Variants in AOAH observed in about 807,000 individuals in gnomAD.
AOAH encodes acyloxyacyl hydrolase (neutrophil).
In AOAH, 64 loss-of-function variants were observed where a neutral mutation model predicts 92.2. The observed-to-expected ratio is 0.69, with a 90% confidence interval of 0.57 to 0.86. AOAH has a LOEUF of 0.86. Among genes scored for constraint, AOAH ranks in the 40% least tolerant of loss-of-function variants. The pLI is 0.00. For synonymous variants in AOAH, 263 were observed against 254.5 expected, an observed-to-expected ratio of 1.03 and a Z score of -0.32; for missense variants, 656 against 694.6, an observed-to-expected ratio of 0.94 and a Z score of 0.62.
chr7:36,662,595 G>A (rs115470677), intron 3 of AOAH, among the ~76,000 whole-genome samples: 2 of 152,264 alleles, frequency 1.3e-5, no homozygotes, highest in African/African-American at 2.4e-5. Context: ...TAGTGGACTC[G>A]AGAGTGATAA....
intron 4 of AOAH, among the ~76,000 whole-genome samples, chr7:36,642,256 G>T (rs1033385672): frequency 2.6e-5 from 4 of 152,032 alleles, no homozygotes; most frequent in Non-Finnish European, 5.9e-5. Flanking sequence ...TCATATTGGA[G>T]TAGGGTGGGC....
chr7:36,684,570 C>T (rs1353412522), intron 2 of AOAH, among the ~76,000 whole-genome samples: 1 of 151,738 alleles, frequency 6.6e-6, no homozygotes, highest in Non-Finnish European at 1.5e-5. Flanking sequence ...AGTTTTAAAA[C>T]CCAAATAAAT....
chr7:36,545,168 T>C (rs914680233), intron 15 of AOAH, among the ~76,000 whole-genome samples: 2 of 152,138 alleles, frequency 1.3e-5, no homozygotes, highest in Non-Finnish European at 2.9e-5. Context: ...CCTCCCACTT[T>C]AGCCTCCTGA....
chr7:36,612,327 GTTGC>G (rs2115894586), intron 11 of AOAH, among the ~76,000 whole-genome samples: 1 of 152,134 alleles, frequency 6.6e-6, no homozygotes, highest in South Asian at 2.1e-4. Flanking sequence ...ACCTGCTTTT[GTTGC>G]TTAACCGATT....
intron 2 of AOAH, among the ~76,000 whole-genome samples, chr7:36,678,602 C>CGCGT (rs1796441393): frequency 1.3e-5 from 1 of 75,860 alleles, no homozygotes; most frequent in Non-Finnish European, 3.2e-5. Context: ...TGTGTGTGTG[C>CGCGT]GCGCGCGCGC....
At chr7:36,688,894 TG>T (rs1372664161) in intron 1 of AOAH, among the ~76,000 whole-genome samples, 2 of 152,146 alleles carry the variant, frequency 1.3e-5, no homozygotes, top group East Asian at 3.9e-4. Flanking sequence ...TATACTTGTG[TG>T]TATATACACA....
intron 6 of AOAH, among the ~76,000 whole-genome samples, chr7:36,630,223 T>C (rs1372644388): frequency 1.3e-5 from 2 of 152,226 alleles, no homozygotes; most frequent in Non-Finnish European, 2.9e-5. Flanking sequence ...TTAATTTCTG[T>C]TGTTCTAAGC....
chr7:36,641,327 C>G (rs549418709), intron 4 of AOAH, among the ~76,000 whole-genome samples: 2 of 152,172 alleles, frequency 1.3e-5, no homozygotes, highest in African/African-American at 2.4e-5. Context: ...TAGAAGCCCC[C>G]CCTCCTCAGC....
intron 11 of AOAH, among the ~76,000 whole-genome samples, chr7:36,613,062 TAGAG>T (rs1791582246): frequency 6.6e-6 from 1 of 152,226 alleles, no homozygotes; most frequent in South Asian, 2.1e-4. Context: ...ATATTATGCT[TAGAG>T]AGACTGGAGT....
At chr7:36,666,947 T>G (rs576587837) in intron 3 of AOAH, among the ~76,000 whole-genome samples, 1 of 152,342 alleles carries the variant, frequency 6.6e-6, no homozygotes, top group East Asian at 1.9e-4. Flanking sequence ...ATTTCTATTC[T>G]TTTAAATTAA....
chr7:36,648,183 T>C (rs1296374388), intron 4 of AOAH, among the ~76,000 whole-genome samples: 2 of 152,168 alleles, frequency 1.3e-5, no homozygotes, highest in Admixed American at 6.5e-5. Flanking sequence ...CCTTCAAATA[T>C]GCAGAGAGCA....
At chr7:36,677,036 T>C (rs891166968) in intron 2 of AOAH, among the ~76,000 whole-genome samples, 4 of 151,714 alleles carry the variant, frequency 2.6e-5, no homozygotes, top group African/African-American at 9.7e-5. Flanking sequence ...TTTTCTTAGA[T>C]ATGACACCAA....
intron 19 of AOAH, among the ~76,000 whole-genome samples, chr7:36,527,032 T>C (rs1784433110): frequency 6.6e-6 from 1 of 152,208 alleles, no homozygotes; most frequent in African/African-American, 2.4e-5. Flanking sequence ...CTTTCCTCTG[T>C]TGGGGAGGTG....
intron 13 of AOAH, among the ~76,000 whole-genome samples, chr7:36,576,335 T>A (rs1419740666): frequency 6.6e-6 from 1 of 152,210 alleles, no homozygotes; most frequent in East Asian, 1.9e-4. Context: ...TGCTGTTGGG[T>A]GAATGATCTG....
At chr7:36,649,570 C>T (rs1296790283) in intron 4 of AOAH, among the ~76,000 whole-genome samples, 2 of 152,214 alleles carry the variant, frequency 1.3e-5, no homozygotes, top group African/African-American at 4.8e-5. Context: ...AGCCAATCAT[C>T]TATCGCCTGA....
Position 36,513,070 on chromosome 7 carries a change from G to A in AOAH, c.*182C>T. On this transcript the variant is annotated 3_prime_UTR_variant, in exon 21 of 21. Transcript: ENST00000617537. ...AGCGGAAGGGTTACTGATCCCGGGA[G>A]CACACAGCATTGCACAGTCGTCCAG... is the stretch of plus-strand genomic sequence containing the variant. The A allele has an allele frequency of 6.4e-7, 1 of 1,556,084 alleles. No individual in the cohort carries two copies. Among genetic ancestry groups the A allele is most frequent in the South Asian group, 1.2e-5 (1 of 86,406 alleles).
Position 36,724,028 on chromosome 7 carries a change from A to T in AOAH, c.121T>A (p.Cys41Ser). 1 of 1,613,368 alleles carries T rather than the reference A, an allele frequency of 6.2e-7. No homozygotes were observed. Among genetic ancestry groups the T allele is most frequent in the Non-Finnish European group, 8.5e-7 (1 of 1,179,552 alleles). ...SRPSLSNGHTCVGCVLVVSVI... is the reference protein window; with the variant it reads ...SRPSLSNGHTSVGCVLVVSVI... Reference sequence around the variant, plus strand: ...AAAATATTTATTTGCATACCTACACAGGTGTGCCCATTCGAGAGGCTGGGC... The same window carrying T: ...AAAATATTTATTTGCATACCTACACTGGTGTGCCCATTCGAGAGGCTGGGC... The change falls in exon 1 of 21, where the codon TGT becomes AGT. Residue 41 changes from cysteine to serine, a missense_variant. Cys to Ser is a moderately radical substitution (Grantham distance 112). Transcript: ENST00000617537.
chr7:36,517,228 C>CTTTCTTTTTCTCTT (rs200489121), intron 20 of AOAH, among the ~76,000 whole-genome samples: 2 of 54,784 alleles, frequency 3.7e-5, no homozygotes, highest in East Asian at 5.2e-4. Flanking sequence ...TTCTTTCTGT[C>CTTTCTTTTTCTCTT]TCTCTCTCTC....
chr7:36,696,052 A>G (rs1797691014), intron 1 of AOAH, among the ~76,000 whole-genome samples: 2 of 152,136 alleles, frequency 1.3e-5, no homozygotes, highest in Non-Finnish European at 2.9e-5. Flanking sequence ...CCCTCTTGCC[A>G]TTGAATTATC....
Sources: allele counts gnomAD v4.1 joint callset (sites outside exome capture counted in the v4.1 genomes callset), GRCh38; gene constraint gnomAD v4.1.1; transcripts MANE v1.5; gene names NCBI Gene and HGNC (gene_info 2026-07-23, HGNC 2026-07-21).